Variants in SUPT3H observed in about 807,000 individuals in gnomAD.
SUPT3H encodes transcription initiation protein SPT3 homolog.
Under a neutral mutation model 44.3 loss-of-function variants are expected in SUPT3H, and 44 were observed. The observed-to-expected ratio is 0.99, with a 90% CI of 0.78 to 1.28. The LOEUF (loss-of-function observed/expected upper bound fraction) is 1.28. Among genes scored for constraint, SUPT3H ranks in the 50% most tolerant of loss-of-function variants. The pLI, the probability that SUPT3H is intolerant of heterozygous loss-of-function variation, is 0.00. For synonymous variants in SUPT3H, 124 were observed against 125.6 expected (o/e 0.99, Z 0.09); for missense variants, 380 against 387.1 (o/e 0.98, Z 0.15).
intron 2 of SUPT3H, among the ~76,000 whole-genome samples, chr6:45,279,133 T>C (rs1777517105): frequency 6.6e-6 from 1 of 152,206 alleles, no homozygotes; most frequent in Non-Finnish European, 1.5e-5. Context: ...ACTTTTATTA[T>C]TTAAAAGTTT....
At chr6:45,176,227 G>A (rs976572527) in intron 2 of SUPT3H, among the ~76,000 whole-genome samples, 4 of 151,852 alleles carry the variant, frequency 2.6e-5, no homozygotes, top group East Asian at 3.9e-4. Context: ...CGCACCGTGC[G>A]CGAGCCGAAG....
intron 2 of SUPT3H, among the ~76,000 whole-genome samples, chr6:45,302,095 G>GT (rs1782215582): frequency 6.6e-6 from 1 of 152,082 alleles, no homozygotes; most frequent in Non-Finnish European, 1.5e-5. Context: ...TATGAGGGAA[G>GT]TAACTTTTTA....
At chr6:45,093,955 C>A (rs1358814865) in intron 3 of SUPT3H, among the ~76,000 whole-genome samples, 1 of 152,000 alleles carries the variant, frequency 6.6e-6, no homozygotes, top group African/African-American at 2.4e-5. Flanking sequence ...AGCCACATAG[C>A]CATCAGAAAT....
intron 10 of SUPT3H, among the ~76,000 whole-genome samples, chr6:44,894,663 C>G (rs1490380778): frequency 3.3e-5 from 5 of 151,982 alleles, no homozygotes; most frequent in Admixed American, 1.3e-4. Context: ...CGTGATGCCT[C>G]CAGCTTTGTT....
At chr6:45,048,804 C>T (rs2153534656) in intron 3 of SUPT3H, among the ~76,000 whole-genome samples, 1 of 151,970 alleles carries the variant, frequency 6.6e-6, no homozygotes, top group East Asian at 1.9e-4. Context: ...AGACAAATGC[C>T]ACATGATCTC....
At chr6:44,821,071 C>T (rs951211481) in intron 11 of SUPT3H, among the ~76,000 whole-genome samples, 1 of 152,096 alleles carries the variant, frequency 6.6e-6, no homozygotes, top group Non-Finnish European at 1.5e-5. Context: ...GGCTGGTCTC[C>T]AATTCTTCGC....
intron 3 of SUPT3H, among the ~76,000 whole-genome samples, chr6:45,073,878 C>T (rs929137236): frequency 1.3e-5 from 2 of 151,910 alleles, no homozygotes; most frequent in Non-Finnish European, 2.9e-5. Flanking sequence ...TTCTTATTGA[C>T]AGAATTAATT....
At chr6:44,896,925 T>C (rs1425561963) in intron 10 of SUPT3H, among the ~76,000 whole-genome samples, 1 of 152,198 alleles carries the variant, frequency 6.6e-6, no homozygotes, top group Non-Finnish European at 1.5e-5. Flanking sequence ...ATCCAGATTC[T>C]CTTTAGGGCA....
chr6:44,926,064 GA>G (rs1005452642), intron 10 of SUPT3H, among the ~76,000 whole-genome samples: 2 of 152,040 alleles, frequency 1.3e-5, no homozygotes, highest in Admixed American at 1.3e-4. Flanking sequence ...ATAGAAAACA[GA>G]AAGACCCGCG....
chr6:45,075,939 T>C (rs188790677), intron 3 of SUPT3H, among the ~76,000 whole-genome samples: 279 of 152,282 alleles, frequency 1.8e-3, no homozygotes, highest in African/African-American at 6.5e-3. Flanking sequence ...GGGGTATTAC[T>C]AGAATAATTT....
intron 2 of SUPT3H, among the ~76,000 whole-genome samples, chr6:45,280,922 A>G (rs1189986266): frequency 6.6e-6 from 1 of 152,228 alleles, no homozygotes; most frequent in East Asian, 1.9e-4. Flanking sequence ...TAACATCTGT[A>G]ATGTCCATAA....
chr6:45,193,538 T>C lies in SUPT3H; in HGVS notation c.102-87532A>G, dbSNP rs541742409. On this transcript the variant is annotated intron_variant, in intron 2 of 10. Coordinates refer to ENST00000371459, the MANE Select transcript of SUPT3H (RefSeq NM_003599.4). ...ATAAATACTCCTTCATTGAACAAAG[T>C]TGAGTAAAATAATGTATTCCTCAAA... Among the ~76,000 whole-genome samples, 12 of 152,156 alleles carry C rather than the reference T, an allele frequency of 7.9e-5. 1 individual carries two copies. The South Asian group carries it at 1.9e-3, about 24-fold the overall frequency.
At chr6:45,001,533 G>A (rs1483222994) in intron 6 of SUPT3H, among the ~76,000 whole-genome samples, 2 of 152,018 alleles carry the variant, frequency 1.3e-5, no homozygotes, top group African/African-American at 4.8e-5. Flanking sequence ...ACATACATCA[G>A]CTGAAAACAA....
At chr6:45,372,045 C>T in intron 1 of SUPT3H, 1 of 965,962 alleles carries the variant, frequency 1.0e-6, no homozygotes, top group Non-Finnish European at 1.2e-6. Flanking sequence ...TTTATCATAA[C>T]TAACCCAAAA....
intron 10 of SUPT3H, among the ~76,000 whole-genome samples, chr6:44,832,241 C>G (rs140444919): frequency 1.6e-3 from 248 of 152,248 alleles, no homozygotes; most frequent in African/African-American, 5.7e-3. Flanking sequence ...AAATTTCTCT[C>G]TATTTGTGTT....
intron 2 of SUPT3H, among the ~76,000 whole-genome samples, chr6:45,154,472 A>C (rs933756542): frequency 6.6e-6 from 1 of 152,216 alleles, no homozygotes; most frequent in Admixed American, 6.5e-5. Context: ...TAACCACTAG[A>C]GAAGAGAGAA....
At chr6:45,093,594 A>C (rs73444995) in intron 3 of SUPT3H, among the ~76,000 whole-genome samples, 1,818 of 152,268 alleles carry the variant, frequency 0.012, 42 homozygotes, top group African/African-American at 0.042. Context: ...AGAATAGAAT[A>C]CTTGGAAAAC....
chr6:45,176,382 C>T (rs977715119), intron 2 of SUPT3H, among the ~76,000 whole-genome samples: 10 of 152,142 alleles, frequency 6.6e-5, no homozygotes, highest in Admixed American at 6.5e-5. Context: ...TAAAAAGCGG[C>T]GAACCATGAG....
At chr6:45,202,083 T>C (rs186480673) in intron 2 of SUPT3H, among the ~76,000 whole-genome samples, 104 of 152,076 alleles carry the variant, frequency 6.8e-4, no homozygotes, top group Non-Finnish European at 1.3e-3. Flanking sequence ...TATTTTGCCA[T>C]TATAATATTA....
Sources: allele counts gnomAD v4.1 joint callset (sites outside exome capture counted in the v4.1 genomes callset), GRCh38; gene constraint gnomAD v4.1.1; transcripts MANE v1.5; gene names NCBI Gene and HGNC (gene_info 2026-07-23, HGNC 2026-07-21).